The following EFCAB13 variants were observed in gnomAD, a reference collection of about 807,000 sequenced individuals.
EFCAB13 encodes EF-hand calcium-binding domain-containing protein 13.
A neutral mutation model predicts 110.2 loss-of-function variants in EFCAB13; 91 were observed. The observed-to-expected ratio is 0.83, with a 90% CI of 0.70 to 0.98. The LOEUF (loss-of-function observed/expected upper bound fraction) is 0.98. EFCAB13 is among the 50% of genes least tolerant of loss of function. The pLI is 0.00. For synonymous variants in EFCAB13, 323 were observed against 369.9 expected (o/e 0.87, Z 1.45); for missense variants, 968 against 1,119.4 (o/e 0.86, Z 1.93).
In EFCAB13 at chr17:47,417,569, T is replaced by C. The variant is rs867738051; in HGVS notation, c.2494+2650T>C. On this transcript the variant is annotated intron_variant, in intron 23 of 24. Transcript: ENST00000331493. ...CTTCTTCCTTACCATCTGGCACTGG[T>C]TTGGAAGCATTCATCCCTATCAAGT... is the stretch of plus-strand genomic sequence containing the variant. Among the ~76,000 whole-genome samples, 3 of 152,356 alleles carry C rather than the reference T, an allele frequency of 2.0e-5. No individual in the cohort carries two copies. In the South Asian group the frequency reaches 6.2e-4, roughly 32 times the overall value.
intron 4 of EFCAB13, 97 bp downstream of exon 4, chr17:47,328,480 A>T: frequency 1.0e-6 from 1 of 993,768 alleles, no homozygotes; most frequent in Non-Finnish European, 1.5e-6. Flanking sequence ...AAATTCATAG[A>T]GTAATAGTTA....
At chr17:47,346,435 C>CCA (rs1555578081) in intron 8 of EFCAB13, among the ~76,000 whole-genome samples, 8 of 104,224 alleles carry the variant, frequency 7.7e-5, no homozygotes, top group African/African-American at 2.4e-4. Flanking sequence ...CGTACTTTAC[C>CCA]CCCCCCCCCA....
At chr17:47,439,171 G>GTTTTTTTTT (rs71141908) in intron 24 of EFCAB13, among the ~76,000 whole-genome samples, 11 of 73,866 alleles carry the variant, frequency 1.5e-4, no homozygotes, top group African/African-American at 3.4e-4. Context: ...TCTTTGTTTT[G>GTTTTTTTTT]TTTTTTTTTT....
chr17:47,408,846 C>A (rs1053453695), intron 20 of EFCAB13, among the ~76,000 whole-genome samples: 5 of 150,274 alleles, frequency 3.3e-5, no homozygotes, highest in Non-Finnish European at 5.9e-5. Flanking sequence ...AATACCCTTG[C>A]CCCCCCCAAT....
At chr17:47,394,170 C>T in intron 16 of EFCAB13, 71 bp downstream of exon 16, 1 of 1,003,616 alleles carries the variant, frequency 1.0e-6, no homozygotes, top group Non-Finnish European at 1.4e-6. Flanking sequence ...AGAGCGTAAA[C>T]ACTCTTTTAG....
chr17:47,416,813 G>A (rs906953251), intron 23 of EFCAB13, among the ~76,000 whole-genome samples: 2 of 152,178 alleles, frequency 1.3e-5, no homozygotes, highest in African/African-American at 4.8e-5. Context: ...CTTGAACAAT[G>A]TGGGGGTTAG....
Position 47,386,339 on chromosome 17 carries a change from C to G in EFCAB13, c.1583-5098C>G, listed in dbSNP as rs543694810. 5.3e-5 allele frequency among the ~76,000 whole-genome samples: 8 copies of G among 152,304 alleles called. No homozygotes were observed. The South Asian group carries it at 6.2e-4, about 12-fold the overall frequency. ...CTGGTGCCTTTCTTTCAGAGATGCC[C>G]TTCCCAGTGAAGAGGAATCTAGAGA... On this transcript the variant is annotated intron_variant, in intron 14 of 24. Coordinates refer to ENST00000331493, the MANE Select transcript of EFCAB13 (RefSeq NM_152347.5).
rs7342870 is a variant in EFCAB13 at position 47,425,980 on chromosome 17, A to T, written c.2495-3838A>T. Among the ~76,000 whole-genome samples, 645 of 152,352 alleles carry T rather than the reference A, an allele frequency of 4.2e-3. 18 individuals are homozygous for T. In the East Asian group the frequency reaches 0.064, roughly 15 times the overall value. Reference sequence around the variant, plus strand: ...GTATCAAAGCTATTAACATAATGAAACAAACTGCATGACCTTTATCATGAT... The same window carrying T: ...GTATCAAAGCTATTAACATAATGAATCAAACTGCATGACCTTTATCATGAT... On this transcript the variant is annotated intron_variant, in intron 23 of 24. Coordinates refer to ENST00000331493, the MANE Select transcript of EFCAB13 (RefSeq NM_152347.5).
intron 22 of EFCAB13, among the ~76,000 whole-genome samples, chr17:47,414,228 T>C (rs1904344520): frequency 8.6e-6 from 1 of 116,754 alleles, no homozygotes; most frequent in South Asian, 2.7e-4. Context: ...TTACTTCACT[T>C]GTGACTGTGT....
At chr17:47,330,714 G>A (rs747247579) in intron 4 of EFCAB13, among the ~76,000 whole-genome samples, 1 of 151,860 alleles carries the variant, frequency 6.6e-6, no homozygotes, top group Non-Finnish European at 1.5e-5. Context: ...GGGTACTTAG[G>A]TTGGTTCCAT....
At chr17:47,406,447 G>T (rs892594384) in intron 20 of EFCAB13, among the ~76,000 whole-genome samples, 1 of 152,140 alleles carries the variant, frequency 6.6e-6, no homozygotes, top group African/African-American at 2.4e-5. Flanking sequence ...CCTTAAGTTT[G>T]TTTTTTATAT....
At chr17:47,386,091 A>G (rs1201928111) in intron 14 of EFCAB13, among the ~76,000 whole-genome samples, 2 of 152,182 alleles carry the variant, frequency 1.3e-5, no homozygotes, top group Non-Finnish European at 1.5e-5. Flanking sequence ...TCTCCCCATC[A>G]GGAGGTATGG....
chr17:47,379,385 C>G (rs886311219), intron 14 of EFCAB13, 132 bp downstream of exon 14: 5 of 620,312 alleles, frequency 8.1e-6, no homozygotes, highest in Non-Finnish European at 1.4e-5. Flanking sequence ...AAGTCAGTTG[C>G]CAGTTTTTAA....
At chr17:47,411,751 C>T (rs1171937646) in intron 21 of EFCAB13, among the ~76,000 whole-genome samples, 1 of 152,134 alleles carries the variant, frequency 6.6e-6, no homozygotes, top group Non-Finnish European at 1.5e-5. Context: ...GAAACATAGA[C>T]AACTTCATGT....
At chr17:47,428,855 T>C (rs1308074903) in intron 23 of EFCAB13, among the ~76,000 whole-genome samples, 1 of 152,120 alleles carries the variant, frequency 6.6e-6, no homozygotes, top group African/African-American at 2.4e-5. Flanking sequence ...TGTATTGTTA[T>C]TATGTAAGAG....
chr17:47,368,169 T>C (rs897150293), intron 10 of EFCAB13, among the ~76,000 whole-genome samples: 2 of 152,220 alleles, frequency 1.3e-5, no homozygotes, highest in Non-Finnish European at 2.9e-5. Flanking sequence ...AATCTTTTTT[T>C]CAGTAAGGAA....
At chr17:47,423,998 G>A (rs966366878) in intron 23 of EFCAB13, among the ~76,000 whole-genome samples, 2 of 152,140 alleles carry the variant, frequency 1.3e-5, no homozygotes, top group African/African-American at 4.8e-5. Context: ...GCACCCCAAG[G>A]GCCGGGAGCT....
At chr17:47,334,321 A>T (rs910846281) in intron 4 of EFCAB13, among the ~76,000 whole-genome samples, 1 of 151,940 alleles carries the variant, frequency 6.6e-6, no homozygotes, top group East Asian at 1.9e-4. Context: ...CTTTTTTATT[A>T]TGTTTTAAGA....
At chr17:47,432,083 G>A (rs960249787) in intron 24 of EFCAB13, among the ~76,000 whole-genome samples, 1 of 151,920 alleles carries the variant, frequency 6.6e-6, no homozygotes, top group African/African-American at 2.4e-5. Flanking sequence ...TGGTGAAACC[G>A]TGTCTCTACA....
Sources: allele counts gnomAD v4.1 joint callset (sites outside exome capture counted in the v4.1 genomes callset), GRCh38; gene constraint gnomAD v4.1.1; transcripts MANE v1.5; gene names NCBI Gene and HGNC (gene_info 2026-07-23, HGNC 2026-07-21).